The following CPA6 variants were observed in gnomAD, a reference collection of about 807,000 sequenced individuals.
CPA6 encodes carboxypeptidase A6.
CPA6 carries 58 observed loss-of-function variants against 63.3 expected under a neutral mutation model. The ratio of observed to expected loss-of-function variants is 0.92; its 90% CI spans 0.74 to 1.14. CPA6 has a LOEUF of 1.14. Among genes scored for constraint, CPA6 ranks in the 50% most tolerant of loss-of-function variants. CPA6 has a pLI of 0.00. For missense variants in CPA6, 565 were observed against 526.6 expected (o/e 1.07, Z -0.71); for synonymous variants, 185 against 179.0 (o/e 1.03, Z -0.27).
chr8:67,440,908 T>G (rs570843008), intron 8 of CPA6, among the ~76,000 whole-genome samples: 6 of 152,314 alleles, frequency 3.9e-5, no homozygotes, highest in African/African-American at 1.4e-4. Flanking sequence ...ATGGCTTTCT[T>G]CCCTGTGTGT....
intron 1 of CPA6, among the ~76,000 whole-genome samples, chr8:67,720,785 C>G (rs1001701790): frequency 6.6e-6 from 1 of 152,146 alleles, no homozygotes; most frequent in Non-Finnish European, 1.5e-5. Flanking sequence ...AAGAGCTGTG[C>G]GTTCAGACAC....
At chr8:67,605,415 C>T (rs1025043228) in intron 2 of CPA6, among the ~76,000 whole-genome samples, 13 of 152,144 alleles carry the variant, frequency 8.5e-5, no homozygotes, top group African/African-American at 3.1e-4. Context: ...ATATAACCTA[C>T]ACACATTCTC....
At chr8:67,515,631 C>CT (rs61230947) in intron 3 of CPA6, among the ~76,000 whole-genome samples, 13,899 of 152,114 alleles carry the variant, frequency 0.091, 1,631 homozygotes, top group African/African-American at 0.27. Flanking sequence ...GAACTCTTGG[C>CT]CTGCCTTGAT....
rs1814679693 is a variant in CPA6, at chr8:67,607,219, CTTCTTCT to C, written c.192+16950_192+16956del. Among the ~76,000 whole-genome samples the C allele has an allele frequency of 3.7e-5, 4 of 108,636 alleles. 1 individual carries two copies. The South Asian group carries it at 1.5e-3, about 39-fold the overall frequency. 71.3% of individuals were successfully genotyped at this position (108,636 alleles called of 152,430 possible). ...TCTTCTTCTTCTTCTTCTTCTTCTT[CTTCTTCT>C]TCTTCTTCTTCTTCTTCTTCTTCTT... On this transcript the variant is annotated intron_variant, in intron 2 of 10. Transcript: ENST00000297770.
intron 1 of CPA6, among the ~76,000 whole-genome samples, chr8:67,710,884 C>T (rs574671380): frequency 6.6e-6 from 1 of 152,208 alleles, no homozygotes; most frequent in South Asian, 2.1e-4. Context: ...GTAAAATAGT[C>T]ACATATAAAT....
At chr8:67,696,057 C>T (rs2380427) in intron 1 of CPA6, among the ~76,000 whole-genome samples, 12 of 152,034 alleles carry the variant, frequency 7.9e-5, no homozygotes, top group East Asian at 1.9e-4. Context: ...CAGGCCAAAA[C>T]GGGAGTTACA....
intron 2 of CPA6, among the ~76,000 whole-genome samples, chr8:67,592,750 T>C (rs1029001985): frequency 2.1e-4 from 32 of 152,210 alleles, no homozygotes; most frequent in Admixed American, 7.2e-4. Flanking sequence ...TTATCATTTT[T>C]TATTGCGTCT....
rs796925267 is a variant in CPA6 at position 67,746,288 on chromosome 8, G to GA, written c.-160dup. 462 of 474,342 alleles carry GA rather than the reference G, an allele frequency of 9.7e-4. No individual in the cohort carries two copies. The highest frequency in any genetic ancestry group is 2.1e-3 in the South Asian group (47 of 22,464). The allele number at this position is 474,342 out of a possible 1,614,324, so 29.4% of individuals were successfully genotyped here. On this transcript the variant is annotated 5_prime_UTR_variant, in exon 1 of 11. Coordinates refer to ENST00000297770, the MANE Select transcript of CPA6 (RefSeq NM_020361.5). ...GTGACACTTCTCTCCAGCTACAAGG[G>GA]AAAAAAAAAGTTCAGGCAGCTGAGG...
At chr8:67,548,604 A>T (rs2128972431) in intron 2 of CPA6, among the ~76,000 whole-genome samples, 1 of 152,310 alleles carries the variant, frequency 6.6e-6, no homozygotes, top group South Asian at 2.1e-4. Flanking sequence ...AGGAAGAACA[A>T]CTATGAGATG....
At chr8:67,711,563 C>T (rs750694983) in intron 1 of CPA6, among the ~76,000 whole-genome samples, 8 of 152,086 alleles carry the variant, frequency 5.3e-5, no homozygotes, top group Non-Finnish European at 8.8e-5. Flanking sequence ...CCTGAGGAGG[C>T]TCTTGGTTGG....
intron 2 of CPA6, among the ~76,000 whole-genome samples, chr8:67,592,831 A>G (rs1310941484): frequency 2.0e-5 from 3 of 152,144 alleles, no homozygotes; most frequent in African/African-American, 7.2e-5. Flanking sequence ...CTTTCAAAAA[A>G]CCAGCTCCTG....
chr8:67,636,801 A>G (rs1711804222), intron 1 of CPA6, among the ~76,000 whole-genome samples: 1 of 151,722 alleles, frequency 6.6e-6, no homozygotes, highest in Admixed American at 6.6e-5. Context: ...AATTCCACCT[A>G]GAAAAATTAA....
At chr8:67,473,841 A>T (rs922640922) in intron 8 of CPA6, among the ~76,000 whole-genome samples, 16 of 152,102 alleles carry the variant, frequency 1.1e-4, no homozygotes, top group Non-Finnish European at 2.1e-4. Flanking sequence ...TCCCGGGCTC[A>T]GGTGATCTGC....
chr8:67,531,072 A>G, intron 2 of CPA6, among the ~76,000 whole-genome samples: 1 of 152,360 alleles, frequency 6.6e-6, no homozygotes, highest in East Asian at 1.9e-4. Context: ...TATCTTAAAA[A>G]ATGGCTAGAG....
At chr8:67,736,131 C>T (rs950393961) in intron 1 of CPA6, among the ~76,000 whole-genome samples, 1 of 152,174 alleles carries the variant, frequency 6.6e-6, no homozygotes, top group Non-Finnish European at 1.5e-5. Context: ...AACCAGCTTT[C>T]AGTCTCTGTG....
At chr8:67,505,143 A>G (rs1056350197) in intron 6 of CPA6, among the ~76,000 whole-genome samples, 1 of 152,174 alleles carries the variant, frequency 6.6e-6, no homozygotes, top group South Asian at 2.1e-4. Flanking sequence ...TCCAGATGGA[A>G]CCATTCATAT....
chr8:67,545,580 T>TTTTTTTTTTTTTTTTTTTTTTTTTTG (rs750417027), intron 2 of CPA6, among the ~76,000 whole-genome samples: 1 of 125,634 alleles, frequency 8.0e-6, no homozygotes, highest in Non-Finnish European at 1.7e-5. Context: ...TTTTTTTTTT[T>TTTTTTTTTTTTTTTTTTTTTTTTTTG]TTTTGAGATG....
chr8:67,552,228 A>T (rs953153575), intron 2 of CPA6, among the ~76,000 whole-genome samples: 3 of 152,240 alleles, frequency 2.0e-5, no homozygotes, highest in African/African-American at 7.2e-5. Flanking sequence ...ATCTAAGTAG[A>T]TTGAAATTCA....
At chr8:67,496,569 T>C (rs1421567182) in intron 6 of CPA6, among the ~76,000 whole-genome samples, 1 of 141,708 alleles carries the variant, frequency 7.1e-6, no homozygotes, top group South Asian at 2.2e-4. Flanking sequence ...TTATTTTATT[T>C]TTTTTTTTTG....
Sources: gnomAD v4.1 joint callset for allele counts (sites outside exome capture counted in the v4.1 genomes callset) on GRCh38, gnomAD v4.1.1 for gene constraint, MANE v1.5 for transcripts, NCBI Gene and HGNC (gene_info 2026-07-23, HGNC 2026-07-21) for gene names.